The following FXYD6 variants were observed in gnomAD, a reference collection of about 807,000 sequenced individuals.
FXYD6 encodes the protein FXYD domain containing ion transport regulator 6.
In FXYD6, 7 loss-of-function variants were observed where a neutral mutation model predicts 16.7. That is an observed-to-expected ratio of 0.42 (90% CI 0.24 to 0.79). FXYD6 has a LOEUF of 0.79. FXYD6 is among the 30% of genes least tolerant of loss of function. FXYD6 has a pLI of 0.28. For missense variants in FXYD6, 111 were observed against 116.2 expected (o/e 0.95, Z 0.21); for synonymous variants, 49 against 43.0 (o/e 1.14, Z -0.54).
intron 1 of FXYD6, among the ~76,000 whole-genome samples, chr11:117,845,520 G>A (rs1453604584): frequency 6.6e-6 from 1 of 152,078 alleles, no homozygotes; most frequent in African/African-American, 2.4e-5. Context: ...TGCTTCTGTG[G>A]TTCACTGACT....
chr11:117,851,140 A>C (rs921024585), intron 1 of FXYD6, among the ~76,000 whole-genome samples: 1 of 152,232 alleles, frequency 6.6e-6, no homozygotes, highest in African/African-American at 2.4e-5. Flanking sequence ...GACAGCTCCC[A>C]GTATCTCCTA....
At chr11:117,858,774 TTCC>T (rs1243792389) in intron 1 of FXYD6, among the ~76,000 whole-genome samples, 3,363 of 112,428 alleles carry the variant, frequency 0.03, 353 homozygotes, top group East Asian at 0.064. Context: ...CCTTCCTTCC[TTCC>T]TTCTTTCTTT....
At chr11:117,866,370 AC>A (rs1374575412) in intron 1 of FXYD6, among the ~76,000 whole-genome samples, 3 of 152,254 alleles carry the variant, frequency 2.0e-5, no homozygotes, top group Admixed American at 6.5e-5. Context: ...AAACATGTTG[AC>A]CCTAACTCCT....
At chr11:117,868,039 C>G (rs530257219) in intron 1 of FXYD6, among the ~76,000 whole-genome samples, 4 of 152,302 alleles carry the variant, frequency 2.6e-5, no homozygotes, top group East Asian at 1.9e-4. Context: ...CACGTAGACC[C>G]CTTTCTCCAG....
chr11:117,866,429 A>G (rs2057015930), intron 1 of FXYD6, among the ~76,000 whole-genome samples: 1 of 152,160 alleles, frequency 6.6e-6, no homozygotes, highest in Non-Finnish European at 1.5e-5. Context: ...CAGGCCAAGG[A>G]AGAATAACCC....
intron 1 of FXYD6, among the ~76,000 whole-genome samples, chr11:117,859,997 T>C (rs1253767251): frequency 6.6e-6 from 1 of 151,936 alleles, no homozygotes; most frequent in Admixed American, 6.6e-5. Flanking sequence ...GAGTGAGGAG[T>C]TGGGCTCCAT....
intron 1 of FXYD6, among the ~76,000 whole-genome samples, chr11:117,854,470 C>T (rs115125364): frequency 2.1e-3 from 321 of 152,316 alleles, no homozygotes; most frequent in African/African-American, 7.4e-3. Context: ...AGGTTCAAAT[C>T]CATTACACAA....
At chr11:117,863,105 G>A (rs865888985) in intron 1 of FXYD6, among the ~76,000 whole-genome samples, 36 of 152,178 alleles carry the variant, frequency 2.4e-4, no homozygotes, top group African/African-American at 8.0e-4. Context: ...TAGAAAAGGA[G>A]AGGCTCAGGC....
chr11:117,847,729 A>G (rs516185), intron 1 of FXYD6, among the ~76,000 whole-genome samples: 125,232 of 152,026 alleles, frequency 0.82, 52,296 homozygotes, highest in East Asian at 1. Flanking sequence ...ATTCCATGGC[A>G]TATATGTGCC....
At position 117,837,992 on chromosome 11, in the gene FXYD6, C is replaced by T. The variant is rs2056238131; in HGVS notation, c.*307G>A. The T allele has an allele frequency of 1.0e-5, 6 of 592,148 alleles. No homozygotes were observed. Among genetic ancestry groups the T allele is most frequent in the South Asian group, 5.9e-5 (3 of 50,984 alleles). 36.7% of individuals were successfully genotyped at this position (592,148 alleles called of 1,614,324 possible). On this transcript the variant is annotated 3_prime_UTR_variant, in exon 8 of 8. Transcript: ENST00000526014. The surrounding 1 kb of genome is among the most constrained non-coding windows in gnomAD (Gnocchi z 4.4). ...CACAGTTCACTAACAAACACAATAC[C>T]ATCCACAAACAAGTAGCCACAAAGA...
chr11:117,876,559 G>A (rs2057273870), intron 1 of FXYD6, 33 bp downstream of exon 1: 1 of 152,644 alleles, frequency 6.6e-6, no homozygotes, highest in Non-Finnish European at 1.5e-5. Context: ...TCGGAAAAAG[G>A]AGCCAACTTT....
rs2057152099 is a variant in FXYD6, at chr11:117,872,136, G to T, written c.-6+4456C>A. On this transcript the variant is annotated intron_variant, in intron 1 of 7. Transcript: ENST00000526014. The surrounding 1 kb of genome is among the most constrained non-coding windows in gnomAD (Gnocchi z 4.9). The stretch of plus-strand genomic sequence containing the variant: ...ATCAGTGGGTAAAATGGAATGGGCT[G>T]AGAGGGTGGACGTTCACAGGCCATC... 6.6e-6 allele frequency among the ~76,000 whole-genome samples: 1 copy of T among 152,212 alleles called. No homozygotes were observed. Among genetic ancestry groups the T allele is most frequent in the Admixed American group, 6.5e-5 (1 of 15,286 alleles).
Position 117,839,825 on chromosome 11 carries a change from C to G in FXYD6, c.265G>C (p.Glu89Gln). The change falls in exon 7 of 8, where the codon GAG (glutamate) becomes CAG (glutamine). Residue 89 changes from glutamate (E) to glutamine (Q), a missense_variant. Glu to Gln is a conservative substitution (Grantham distance 29). Coordinates refer to ENST00000526014, the MANE Select transcript of FXYD6 (RefSeq NM_022003.4). ...CTTCAGTTCTCTGCTTTCTGGGGCTCTGTTGCTGGAAAGAAAACCAGAATG... is the reference window on the plus strand; with the variant it reads ...CTTCAGTTCTCTGCTTTCTGGGGCTGTGTTGCTGGAAAGAAAACCAGAATG... ...VENLITANAT[E>Q]PQKAEN is the part of the protein sequence containing the mutation. 1 of 1,614,188 alleles carries G rather than the reference C, an allele frequency of 6.2e-7. No homozygotes were observed. The highest frequency in any genetic ancestry group is 8.5e-7 in the Non-Finnish European group (1 of 1,180,026).
intron 1 of FXYD6, among the ~76,000 whole-genome samples, chr11:117,851,853 ACT>A (rs2056616725): frequency 6.6e-6 from 1 of 152,218 alleles, no homozygotes; most frequent in Non-Finnish European, 1.5e-5. Context: ...TCCTTTGAAT[ACT>A]GGCAGGAGCT....
intron 1 of FXYD6, among the ~76,000 whole-genome samples, chr11:117,858,713 C>CCT (rs1423102384): frequency 1.9e-4 from 17 of 89,740 alleles, no homozygotes; most frequent in East Asian, 6.6e-4. Context: ...CTCTCTCTCT[C>CCT]TCCTTCCTTC....
At chr11:117,868,416 C>T (rs1230884674) in intron 1 of FXYD6, among the ~76,000 whole-genome samples, 1 of 152,150 alleles carries the variant, frequency 6.6e-6, no homozygotes, top group Non-Finnish European at 1.5e-5. Flanking sequence ...TAAAACCCAT[C>T]ACTCCAGTCT....
intron 1 of FXYD6, chr11:117,869,094 A>G (rs2057074494): frequency 6.6e-6 from 1 of 152,210 alleles, no homozygotes. Flanking sequence ...CATCAAATAA[A>G]CAATTAAGCA....
chr11:117,868,753 A>G (rs2057065400), intron 1 of FXYD6: 1 of 152,222 alleles, frequency 6.6e-6, no homozygotes, highest in East Asian at 1.9e-4. Flanking sequence ...CCAGGGGAGA[A>G]AATTGGAACT....
chr11:117,845,333 C>T (rs977946831), intron 1 of FXYD6, among the ~76,000 whole-genome samples: 1 of 152,198 alleles, frequency 6.6e-6, no homozygotes, highest in Admixed American at 6.5e-5. Context: ...TTTTATTTCT[C>T]TTTATGGCTG....
Sources: gnomAD v4.1 joint callset for allele counts (sites outside exome capture counted in the v4.1 genomes callset) on GRCh38, gnomAD v4.1.1 for gene constraint, Gnocchi (gnomAD v3.1) non-coding constraint, MANE v1.5 for transcripts, NCBI Gene and HGNC (gene_info 2026-07-23, HGNC 2026-07-21) for gene names.